CHRM3: variants seen among roughly 807,000 people sequenced by gnomAD.
CHRM3 encodes the protein muscarinic acetylcholine receptor M3.
CHRM3 carries 11 observed loss-of-function variants against 41.8 expected under a neutral mutation model. The ratio of observed to expected loss-of-function variants is 0.26; its 90% CI spans 0.17 to 0.44. The LOEUF (loss-of-function observed/expected upper bound fraction) is 0.44, where lower values mean the gene tolerates loss of function less well. Ranked by LOEUF, CHRM3 falls within the 20% of genes least tolerant of loss-of-function variation. CHRM3 has a pLI of 1.00. For synonymous variants in CHRM3, 297 were observed against 301.4 expected (o/e 0.99, Z 0.15); for missense variants, 571 against 745.4 (o/e 0.77, Z 2.72).
At chr1:239,555,947 T>C (rs73120626) in intron 3 of CHRM3, among the ~76,000 whole-genome samples, 1,983 of 152,308 alleles carry the variant, frequency 0.013, 37 homozygotes, top group African/African-American at 0.042. Context: ...CGTGCTGAGA[T>C]GGTTTTCGAA....
intron 6 of CHRM3, among the ~76,000 whole-genome samples, chr1:239,830,249 A>C (rs528396788): frequency 1.2e-4 from 19 of 152,338 alleles, no homozygotes; most frequent in African/African-American, 4.6e-4. Context: ...GTTAGGACTA[A>C]AAGAGATAAT....
At chr1:239,574,025 C>T (rs541894491) in intron 3 of CHRM3, among the ~76,000 whole-genome samples, 1 of 152,064 alleles carries the variant, frequency 6.6e-6, no homozygotes, top group African/African-American at 2.4e-5. Context: ...ACAAGGATGA[C>T]CCTGAAATCA....
At chr1:239,400,801 G>T (rs778413720) in intron 1 of CHRM3, among the ~76,000 whole-genome samples, 1 of 152,006 alleles carries the variant, frequency 6.6e-6, no homozygotes, top group African/African-American at 2.4e-5. Context: ...CCATTCCATT[G>T]GTCTGTGTGT....
intron 6 of CHRM3, among the ~76,000 whole-genome samples, chr1:239,854,351 A>AT (rs1161037127): frequency 6.6e-6 from 1 of 152,048 alleles, no homozygotes; most frequent in Non-Finnish European, 1.5e-5. Context: ...GCCAGAGACT[A>AT]TTCTGTCCAC....
At chr1:239,855,674 C>G (rs866439565) in intron 6 of CHRM3, among the ~76,000 whole-genome samples, 13 of 151,962 alleles carry the variant, frequency 8.6e-5, no homozygotes, top group African/African-American at 2.9e-4. Context: ...TTTTATTGCT[C>G]TTTTTACATT....
At chr1:239,854,345 G>A (rs541947020) in intron 6 of CHRM3, among the ~76,000 whole-genome samples, 7 of 152,112 alleles carry the variant, frequency 4.6e-5, no homozygotes, top group African/African-American at 1.4e-4. Context: ...CTTTGTGCCA[G>A]AGACTATTCT....
intron 3 of CHRM3, among the ~76,000 whole-genome samples, chr1:239,587,784 A>T (rs1663580340): frequency 6.6e-6 from 1 of 152,182 alleles, no homozygotes; most frequent in Admixed American, 6.6e-5. Flanking sequence ...CAAGAGAAAC[A>T]TTTCCTCAGA....
At position 239,674,167 on chromosome 1, in the gene CHRM3, G is replaced by T. The variant is rs549781798; in HGVS notation, c.-249-4019G>T. On this transcript the variant is annotated intron_variant, in intron 4 of 6. Coordinates refer to ENST00000676153, the MANE Select transcript of CHRM3 (RefSeq NM_001375978.1). The stretch of plus-strand genomic sequence containing the variant: ...ATTTTCCTAGGAACGCCATTTTTTT[G>T]ACTTTAAATTATTTCCGTGGAATAA... Among the ~76,000 whole-genome samples, 938 of 152,052 alleles carry T rather than the reference G, an allele frequency of 6.2e-3. 7 individuals carry two copies. Among genetic ancestry groups the T allele is most frequent in the African/African-American group, 0.021 (874 of 41,486 alleles).
At chr1:239,732,909 CCTAATATCTCATTTAGATAAGTATAT>C (rs1219581095) in intron 5 of CHRM3, among the ~76,000 whole-genome samples, 1 of 150,830 alleles carries the variant, frequency 6.6e-6, no homozygotes, top group South Asian at 2.1e-4. Flanking sequence ...GATAAGTATA[CCTAATATCTCATTTAGATAAGTATAT>C]CTAATATCTC....
At chr1:239,737,194 A>G (rs1390494681) in intron 5 of CHRM3, among the ~76,000 whole-genome samples, 1 of 152,212 alleles carries the variant, frequency 6.6e-6, no homozygotes, top group Non-Finnish European at 1.5e-5. Context: ...GGGCATATTT[A>G]TTAGAAGAAT....
intron 2 of CHRM3, among the ~76,000 whole-genome samples, chr1:239,512,537 A>G (rs961899813): frequency 2.0e-5 from 3 of 152,076 alleles, no homozygotes; most frequent in Admixed American, 1.3e-4. Flanking sequence ...CACTTGGAAC[A>G]TTTATTCTTG....
chr1:239,767,808 C>A (rs1239999028), intron 5 of CHRM3, among the ~76,000 whole-genome samples: 1 of 152,176 alleles, frequency 6.6e-6, no homozygotes, highest in Non-Finnish European at 1.5e-5. Context: ...GTTTTCCAAG[C>A]TAAATCCTTT....
Position 239,423,380 on chromosome 1 carries a change from T to C in CHRM3, c.-521+36153T>C, listed in dbSNP as rs149936729. Among the ~76,000 whole-genome samples the C allele has an allele frequency of 6.4e-3, 972 of 152,324 alleles. 10 individuals carry two copies. The highest frequency in any genetic ancestry group is 0.011 in the Non-Finnish European group (728 of 68,026). On this transcript the variant is annotated intron_variant, in intron 1 of 6. Transcript: ENST00000676153. The stretch of plus-strand genomic sequence containing the variant: ...ACTGTAATAAAAACTCTTTACCACA[T>C]ACACTCAAAGGCCACCTGGATTCCA...
intron 1 of CHRM3, among the ~76,000 whole-genome samples, chr1:239,447,560 C>T (rs1403893037): frequency 6.6e-6 from 1 of 152,038 alleles, no homozygotes; most frequent in Non-Finnish European, 1.5e-5. Context: ...AATTAGAATA[C>T]ATTTATTGTT....
At chr1:239,841,206 G>A (rs1673768233) in intron 6 of CHRM3, among the ~76,000 whole-genome samples, 1 of 152,152 alleles carries the variant, frequency 6.6e-6, no homozygotes, top group African/African-American at 2.4e-5. Context: ...CATTTAACTT[G>A]GATTTTTCTC....
intron 6 of CHRM3, among the ~76,000 whole-genome samples, chr1:239,891,564 A>G (rs1460743449): frequency 1.3e-5 from 2 of 152,210 alleles, no homozygotes; most frequent in African/African-American, 4.8e-5. Flanking sequence ...GTGGCCTAAT[A>G]TACATATTTA....
At chr1:239,794,387 G>GTTTTTTTTTTTTT (rs10925977) in intron 5 of CHRM3, among the ~76,000 whole-genome samples, 1 of 115,304 alleles carries the variant, frequency 8.7e-6, no homozygotes, top group Non-Finnish European at 1.9e-5. Context: ...TTCGTTTGTT[G>GTTTTTTTTTTTTT]TTTTTTTTTT....
At chr1:239,410,740 C>A (rs1368659815) in intron 1 of CHRM3, among the ~76,000 whole-genome samples, 4 of 152,228 alleles carry the variant, frequency 2.6e-5, no homozygotes, top group Non-Finnish European at 4.4e-5. Flanking sequence ...CCCTCTGGAC[C>A]TAGCTCCTGC....
At chr1:239,660,828 T>C (rs1336545834) in intron 4 of CHRM3, among the ~76,000 whole-genome samples, 1 of 151,970 alleles carries the variant, frequency 6.6e-6, no homozygotes, top group African/African-American at 2.4e-5. Flanking sequence ...TTGCAGTGAG[T>C]CAAGATCGTG....
Sources: gnomAD v4.1 joint callset for allele counts (sites outside exome capture counted in the v4.1 genomes callset) on GRCh38, gnomAD v4.1.1 for gene constraint, MANE v1.5 for transcripts, NCBI Gene and HGNC (gene_info 2026-07-23, HGNC 2026-07-21) for gene names.